Variants in WDR70 observed in about 807,000 individuals in gnomAD.
WDR70 encodes the protein WD repeat domain 70, also known as WD repeat-containing protein 70.
A neutral mutation model predicts 88.6 loss-of-function variants in WDR70; 53 were observed. The observed-to-expected ratio is 0.60, with a 90% CI of 0.48 to 0.75. The LOEUF (loss-of-function observed/expected upper bound fraction) is 0.75, where lower values mean the gene tolerates loss of function less well. WDR70 is among the 30% of genes least tolerant of loss of function. The probability of loss-of-function intolerance (pLI) is 0.00; values close to 1 mark genes in which losing one functional copy is unlikely to be tolerated. For synonymous variants in WDR70, 280 were observed against 270.0 expected, an observed-to-expected ratio of 1.04 and a Z score of -0.36; for missense variants, 610 against 823.2, an observed-to-expected ratio of 0.74 and a Z score of 3.17.
chr5:37,459,624 C>T (rs1738937627), intron 7 of WDR70, among the ~76,000 whole-genome samples: 1 of 32,112 alleles, frequency 3.1e-5, no homozygotes, highest in Non-Finnish European at 7.7e-5. Flanking sequence ...AGGACATAGG[C>T]GTGGGCAAGG....
At chr5:37,409,574 G>A (rs1749459910) in intron 5 of WDR70, among the ~76,000 whole-genome samples, 1 of 149,410 alleles carries the variant, frequency 6.7e-6, no homozygotes, top group Non-Finnish European at 1.5e-5. Flanking sequence ...GTGCGATCTC[G>A]TCCCCCTGCA....
intron 9 of WDR70, among the ~76,000 whole-genome samples, chr5:37,592,742 T>A (rs1323639869): frequency 6.6e-6 from 1 of 152,242 alleles, no homozygotes; most frequent in African/African-American, 2.4e-5. Flanking sequence ...ATGTTAACTC[T>A]CATTATTTCT....
intron 10 of WDR70, among the ~76,000 whole-genome samples, chr5:37,658,313 A>G (rs1481917239): frequency 6.6e-6 from 1 of 151,962 alleles, no homozygotes; most frequent in Non-Finnish European, 1.5e-5. Flanking sequence ...AAAGACACAT[A>G]TTCACAAAAG....
chr5:37,601,168 T>C (rs1743870845), intron 9 of WDR70, among the ~76,000 whole-genome samples: 2 of 152,222 alleles, frequency 1.3e-5, no homozygotes, highest in African/African-American at 4.8e-5. Context: ...GCTTATCATA[T>C]ATGGCCTTTA....
chr5:37,449,591 A>G, intron 7 of WDR70, among the ~76,000 whole-genome samples: 1 of 9,742 alleles, frequency 1.0e-4, no homozygotes, highest in African/African-American at 1.2e-4. Context: ...ATTTTGTCTC[A>G]AAAAAAAAAA....
At chr5:37,535,278 G>T (rs6872681) in intron 9 of WDR70, among the ~76,000 whole-genome samples, 62,662 of 151,524 alleles carry the variant, frequency 0.41, 15,062 homozygotes, top group Non-Finnish European at 0.54. Context: ...CACAGGGAAA[G>T]AACTTTTCCT....
intron 17 of WDR70, among the ~76,000 whole-genome samples, chr5:37,734,100 T>C (rs971415458): frequency 6.6e-6 from 1 of 152,020 alleles, no homozygotes; most frequent in Admixed American, 6.6e-5. Flanking sequence ...GGTATAAAAT[T>C]ATATGCAAGT....
chr5:37,471,800 G>A (rs1260074896), intron 7 of WDR70, among the ~76,000 whole-genome samples: 1 of 151,856 alleles, frequency 6.6e-6, no homozygotes, highest in Non-Finnish European at 1.5e-5. Flanking sequence ...GTAAAATAAG[G>A]ACAAAGATTT....
rs769814261 is a variant in WDR70 at position 37,379,505 on chromosome 5, G to T, written c.42G>T (p.Ala14=). The T allele has an allele frequency of 6.2e-7, 1 of 1,614,000 alleles. No individual in the cohort carries two copies. The highest frequency in any genetic ancestry group is 1.1e-5 in the South Asian group (1 of 91,076). The part of the protein sequence containing the change: ...SGPSEVTGSD[A]SGPDPQLAVT... ...TTGCTCCAGTGACAGGCTCAGACGC[G>T]TCGGGACCGGACCCGCAGCTTGCGG... The change falls in exon 2 of 18, where the codon GCG becomes GCT. Residue 14 remains alanine (A), a synonymous_variant. Transcript: ENST00000265107.
intron 6 of WDR70, among the ~76,000 whole-genome samples, chr5:37,439,602 C>T (rs543431162): frequency 6.9e-6 from 1 of 145,658 alleles, no homozygotes; most frequent in Non-Finnish European, 1.5e-5. Context: ...ATTAGAGTGT[C>T]TAATTATACT....
chr5:37,393,956 A>T (rs1748926906), intron 4 of WDR70, among the ~76,000 whole-genome samples: 2 of 152,110 alleles, frequency 1.3e-5, no homozygotes, highest in African/African-American at 4.8e-5. Flanking sequence ...TGCTGGGATT[A>T]CAGGCGTGAA....
chr5:37,397,203 G>A (rs76522579), intron 5 of WDR70, among the ~76,000 whole-genome samples: 11,039 of 142,444 alleles, frequency 0.077, 564 homozygotes, highest in Non-Finnish European at 0.11. Context: ...ATTACTGACA[G>A]CCTGTATTGA....
At chr5:37,511,752 C>T (rs1331518367) in intron 8 of WDR70, among the ~76,000 whole-genome samples, 2 of 152,156 alleles carry the variant, frequency 1.3e-5, no homozygotes, top group Admixed American at 1.3e-4. Context: ...TCCGCCTTTT[C>T]ACTTTTGTAA....
intron 8 of WDR70, among the ~76,000 whole-genome samples, chr5:37,481,939 C>T (rs1739682322): frequency 6.6e-6 from 1 of 152,190 alleles, no homozygotes; most frequent in African/African-American, 2.4e-5. Context: ...TTATTTCACT[C>T]TTTCCCGCCT....
intron 9 of WDR70, among the ~76,000 whole-genome samples, chr5:37,575,551 T>TA (rs1297161488): frequency 6.6e-6 from 1 of 152,238 alleles, no homozygotes; most frequent in East Asian, 1.9e-4. Context: ...GAAGTCTCCA[T>TA]AAAAAAATCT....
chr5:37,392,212 G>GCAAGACTCCATC, intron 4 of WDR70, 92 bp downstream of exon 4: 1 of 1,413,096 alleles, frequency 7.1e-7, no homozygotes. Context: ...TTGAGATGGA[G>GCAAGACTCCATC]TCTTGCTCTA....
At chr5:37,509,574 G>A (rs1292618606) in intron 8 of WDR70, among the ~76,000 whole-genome samples, 1 of 152,128 alleles carries the variant, frequency 6.6e-6, no homozygotes, top group Non-Finnish European at 1.5e-5. Flanking sequence ...ATCTGATGAA[G>A]TGTGTTTTGT....
chr5:37,745,439 T>C (rs903467678), intron 17 of WDR70, among the ~76,000 whole-genome samples: 5 of 151,578 alleles, frequency 3.3e-5, no homozygotes, highest in Admixed American at 3.3e-4. Flanking sequence ...ACCTTAAATG[T>C]AAATGGGCTA....
At chr5:37,425,679 C>G (rs1750103837) in intron 5 of WDR70, among the ~76,000 whole-genome samples, 1 of 152,088 alleles carries the variant, frequency 6.6e-6, no homozygotes, top group East Asian at 1.9e-4. Context: ...TTTTTTCCCC[C>G]TAAGCCTTAG....
Sources: gnomAD v4.1 joint callset for allele counts (sites outside exome capture counted in the v4.1 genomes callset) on GRCh38, gnomAD v4.1.1 for gene constraint, MANE v1.5 for transcripts, NCBI Gene and HGNC (gene_info 2026-07-23, HGNC 2026-07-21) for gene names.